CYP19A1: variants seen among roughly 807,000 people sequenced by gnomAD.
CYP19A1 encodes the protein cytochrome P450 family 19 subfamily A member 1.
Under a neutral mutation model 44.4 loss-of-function variants are expected in CYP19A1, and 32 were observed. That is an observed-to-expected ratio of 0.72 (90% CI 0.54 to 0.97). The LOEUF is 0.97. CYP19A1 is among the 50% of genes least tolerant of loss of function. The probability of loss-of-function intolerance (pLI) is 0.00; values close to 1 mark genes in which losing one functional copy is unlikely to be tolerated. For synonymous variants in CYP19A1, 212 were observed against 215.6 expected, an observed-to-expected ratio of 0.98 and a Z score of 0.14; for missense variants, 598 against 637.8, an observed-to-expected ratio of 0.94 and a Z score of 0.67.
chr15:51,260,887 T>G (rs1271238665), intron 1 of CYP19A1, among the ~76,000 whole-genome samples: 1 of 152,218 alleles, frequency 6.6e-6, no homozygotes, highest in Non-Finnish European at 1.5e-5. Flanking sequence ...ATGGGAGCCC[T>G]GTTTTCACTC....
intron 1 of CYP19A1, among the ~76,000 whole-genome samples, chr15:51,253,853 C>T (rs111232914): frequency 5.9e-5 from 9 of 152,116 alleles, no homozygotes; most frequent in African/African-American, 7.2e-5. Flanking sequence ...AGCATACAGA[C>T]GAAAGGAGGC....
At chr15:51,214,991 T>A in intron 8 of CYP19A1, 79 bp downstream of exon 8, 1 of 1,535,986 alleles carries the variant, frequency 6.5e-7, no homozygotes, top group Non-Finnish European at 8.8e-7. Flanking sequence ...ATGTTTGATA[T>A]CAGATTCTTA....
In CYP19A1 at chr15:51,218,670, A is replaced by G. The variant is rs748250878; in HGVS notation, c.629-15T>C. 2.5e-6 allele frequency: 4 copies of G among 1,606,856 alleles called. No individual in the cohort carries two copies. Among genetic ancestry groups the G allele is most frequent in the African/African-American group, 1.3e-5 (1 of 74,910 alleles). On this transcript the variant is annotated splice_polypyrimidine_tract_variant and intron_variant, in intron 5 of 9. Transcript: ENST00000396402. ...GATAGCACTTTCTGTAGGAAAAAAA[A>G]ACACACATACACAAGAAAGAGCAGT...
intron 1 of CYP19A1, among the ~76,000 whole-genome samples, chr15:51,254,769 T>A (rs929425456): frequency 6.6e-6 from 1 of 152,236 alleles, no homozygotes; most frequent in Admixed American, 6.5e-5. Context: ...TCTGTTTGTG[T>A]CTCTGATGCT....
intron 1 of CYP19A1, among the ~76,000 whole-genome samples, chr15:51,246,757 C>G (rs1190162990): frequency 6.6e-6 from 1 of 152,140 alleles, no homozygotes; most frequent in Non-Finnish European, 1.5e-5. Context: ...CCTAGCATGA[C>G]CAGACCCTGC....
chr15:51,243,202 C>T, intron 1 of CYP19A1: 1 of 400,724 alleles, frequency 2.5e-6, no homozygotes, highest in East Asian at 5.2e-5. Context: ...TCTGATAGAA[C>T]CTTATCATCT....
chr15:51,242,076 GT>G (rs960884396), intron 2 of CYP19A1: 2 of 153,956 alleles, frequency 1.3e-5, no homozygotes, highest in Non-Finnish European at 2.9e-5. Flanking sequence ...GGGTGGAAGG[GT>G]GGGGTTTTCT....
intron 3 of CYP19A1, among the ~76,000 whole-genome samples, chr15:51,235,171 T>C (rs376325450): frequency 7.8e-4 from 119 of 152,348 alleles, no homozygotes; most frequent in African/African-American, 2.8e-3. Context: ...ATCAAGAACG[T>C]ATCATAGTCA....
intron 6 of CYP19A1, among the ~76,000 whole-genome samples, chr15:51,217,901 T>G (rs1354265309): frequency 6.6e-6 from 1 of 152,170 alleles, no homozygotes; most frequent in Non-Finnish European, 1.5e-5. Flanking sequence ...CAGTGTTTAG[T>G]GACTGGCTAC....
intron 4 of CYP19A1, among the ~76,000 whole-genome samples, chr15:51,223,593 T>TCTCTCTCACACACACACACACACACACA (rs1356666512): frequency 2.7e-4 from 24 of 90,200 alleles, no homozygotes; most frequent in East Asian, 9.4e-4. Flanking sequence ...TCTCTCTCTC[T>TCTCTCTCACACACACACACACACACACA]CACACACACA....
At chr15:51,259,638 C>T (rs28757148) in intron 1 of CYP19A1, among the ~76,000 whole-genome samples, 3 of 152,292 alleles carry the variant, frequency 2.0e-5, no homozygotes, top group South Asian at 2.1e-4. Flanking sequence ...TAAATGCAAA[C>T]GGTAAACCTT....
chr15:51,323,580 T>C (rs866165768), intron 1 of CYP19A1, among the ~76,000 whole-genome samples: 32 of 152,102 alleles, frequency 2.1e-4, no homozygotes, highest in African/African-American at 7.7e-4. Context: ...AAAATGGCTA[T>C]GGAGTCACTG....
intron 1 of CYP19A1, among the ~76,000 whole-genome samples, chr15:51,291,021 A>G (rs1259047865): frequency 1.3e-5 from 2 of 152,180 alleles, no homozygotes; most frequent in Non-Finnish European, 2.9e-5. Context: ...GACACGGGCT[A>G]CCCTGGTTAC....
intron 1 of CYP19A1, among the ~76,000 whole-genome samples, chr15:51,253,993 G>C (rs558814315): frequency 2.0e-4 from 31 of 152,276 alleles, no homozygotes; most frequent in Non-Finnish European, 3.4e-4. Flanking sequence ...CAAAAATGAA[G>C]AGGCTAGATT....
chr15:51,218,909 G>A (rs1595676154), intron 5 of CYP19A1, among the ~76,000 whole-genome samples: 1 of 152,168 alleles, frequency 6.6e-6, no homozygotes, highest in African/African-American at 2.4e-5. Context: ...TCAAGTTTGT[G>A]TTTTCAAGTT....
intron 1 of CYP19A1, among the ~76,000 whole-genome samples, chr15:51,327,236 C>T (rs1196437624): frequency 6.6e-6 from 1 of 152,198 alleles, no homozygotes; most frequent in Non-Finnish European, 1.5e-5. Flanking sequence ...CCAGATCTCT[C>T]CTGTTTGTGT....
At chr15:51,263,176 G>T (rs558251334) in intron 1 of CYP19A1, among the ~76,000 whole-genome samples, 1 of 152,164 alleles carries the variant, frequency 6.6e-6, no homozygotes, top group African/African-American at 2.4e-5. Context: ...CTGTCATAAG[G>T]TGTAAATAAA....
rs763860830 is a variant in CYP19A1 at position 51,292,816 on chromosome 15, CT to C, written c.-39+45678del. Among the ~76,000 whole-genome samples, 607 of 143,170 alleles carry C rather than the reference CT, an allele frequency of 4.2e-3. 3 individuals carry two copies. Among genetic ancestry groups the C allele is most frequent in the African/African-American group, 6.2e-3 (244 of 39,254 alleles). The allele number at this position is 143,170 out of a possible 152,430, so 93.9% of individuals were successfully genotyped here. On this transcript the variant is annotated intron_variant, in intron 1 of 9. Transcript: ENST00000396402. ...GTCCTTCTTCATGGGCAGAAAGTAGCTTTTTTTTTTTTTTCCAAGAGATGCC... is the reference window on the plus strand; with the variant it reads ...GTCCTTCTTCATGGGCAGAAAGTAGCTTTTTTTTTTTTTCCAAGAGATGCC...
At chr15:51,313,611 A>G (rs1169807258) in intron 1 of CYP19A1, among the ~76,000 whole-genome samples, 1 of 152,214 alleles carries the variant, frequency 6.6e-6, no homozygotes, top group Non-Finnish European at 1.5e-5. Context: ...AGCCTGGCCA[A>G]CATGGTGAAA....
Sources: gnomAD v4.1 joint callset for allele counts (sites outside exome capture counted in the v4.1 genomes callset) on GRCh38, gnomAD v4.1.1 for gene constraint, MANE v1.5 for transcripts, NCBI Gene and HGNC (gene_info 2026-07-23, HGNC 2026-07-21) for gene names.